The following VEPH1 variants were observed in gnomAD, a reference collection of about 807,000 sequenced individuals.
VEPH1 encodes the protein ventricular zone-expressed PH domain-containing protein homolog 1.
A neutral mutation model predicts 85.2 loss-of-function variants in VEPH1; 80 were observed. That is an observed-to-expected ratio of 0.94 (90% confidence interval 0.78 to 1.13). The LOEUF is 1.13. Among genes scored for constraint, VEPH1 ranks in the 50% most tolerant of loss-of-function variants. The pLI is 0.00. For missense variants in VEPH1, 955 were observed against 980.5 expected, an observed-to-expected ratio of 0.97 and a Z score of 0.35; for synonymous variants, 297 against 348.0, an observed-to-expected ratio of 0.85 and a Z score of 1.63.
At chr3:157,350,774 T>C (rs924620468) in intron 9 of VEPH1, among the ~76,000 whole-genome samples, 1 of 152,182 alleles carries the variant, frequency 6.6e-6, no homozygotes, top group Non-Finnish European at 1.5e-5. Context: ...GAAAAAATGT[T>C]CAACATCACT....
At chr3:157,444,943 C>G (rs1034428148) in intron 4 of VEPH1, among the ~76,000 whole-genome samples, 2 of 152,170 alleles carry the variant, frequency 1.3e-5, no homozygotes, top group Non-Finnish European at 2.9e-5. Context: ...TTCTCTCTTT[C>G]TCTAAATGAC....
chr3:157,294,338 T>G (rs552680305), intron 11 of VEPH1, among the ~76,000 whole-genome samples: 1 of 152,352 alleles, frequency 6.6e-6, no homozygotes, highest in African/African-American at 2.4e-5. Flanking sequence ...GTTTGACACA[T>G]GTCTTGGAAC....
At chr3:157,344,277 C>G (rs1723943417) in intron 9 of VEPH1, among the ~76,000 whole-genome samples, 1 of 152,124 alleles carries the variant, frequency 6.6e-6, no homozygotes, top group Non-Finnish European at 1.5e-5. Flanking sequence ...ATTTAGAAAA[C>G]CCCATCATCT....
chr3:157,460,154 TC>T, intron 4 of VEPH1, 26 bp downstream of exon 4: 1 of 1,614,172 alleles, frequency 6.2e-7, no homozygotes, highest in South Asian at 1.1e-5. Context: ...CCAAAACATG[TC>T]CCCAAGCTCA....
chr3:157,493,554 G>C (rs955068527), intron 2 of VEPH1, among the ~76,000 whole-genome samples: 22 of 152,216 alleles, frequency 1.4e-4, no homozygotes, highest in Admixed American at 1.4e-3. Context: ...GTTACAGATA[G>C]AGAAATGGAA....
intron 2 of VEPH1, among the ~76,000 whole-genome samples, chr3:157,486,411 G>T (rs1738651521): frequency 6.7e-6 from 1 of 150,050 alleles, no homozygotes; most frequent in Admixed American, 6.7e-5. Flanking sequence ...CAGGAGAATT[G>T]CTTGAACCCA....
At chr3:157,434,750 C>A (rs151130439) in intron 4 of VEPH1, among the ~76,000 whole-genome samples, 1 of 152,052 alleles carries the variant, frequency 6.6e-6, no homozygotes, top group Non-Finnish European at 1.5e-5. Flanking sequence ...CTGTGCTTTT[C>A]TTTCCTCCTT....
chr3:157,323,096 G>C (rs1721526445), intron 9 of VEPH1, among the ~76,000 whole-genome samples: 1 of 152,134 alleles, frequency 6.6e-6, no homozygotes, highest in Non-Finnish European at 1.5e-5. Context: ...GATTCCATGT[G>C]ATTTGTAAAA....
chr3:157,495,190 G>A (rs557710527), intron 2 of VEPH1, 22 bp downstream of exon 2: 1 of 1,610,876 alleles, frequency 6.2e-7, no homozygotes, highest in African/African-American at 1.3e-5. Context: ...CAGAGATGTA[G>A]TCTATAAACC....
chr3:157,301,051 G>A (rs1718736580), intron 11 of VEPH1, among the ~76,000 whole-genome samples: 2 of 152,222 alleles, frequency 1.3e-5, no homozygotes, highest in Non-Finnish European at 2.9e-5. Context: ...GGAGGAGTGT[G>A]AGTCTACTGA....
intron 11 of VEPH1, among the ~76,000 whole-genome samples, chr3:157,296,975 G>A (rs1161710282): frequency 6.6e-6 from 1 of 152,170 alleles, no homozygotes; most frequent in Admixed American, 6.5e-5. Context: ...ATAATAAAAA[G>A]TAGTGATAAT....
chr3:157,313,914 G>A (rs573570750), intron 10 of VEPH1, among the ~76,000 whole-genome samples, 159 bp from the exon 11 acceptor site: 1 of 152,220 alleles, frequency 6.6e-6, no homozygotes, highest in South Asian at 2.1e-4. Context: ...TCGAACATAT[G>A]GGGTTGGGCA....
At chr3:157,339,526 G>A (rs1455017616) in intron 9 of VEPH1, among the ~76,000 whole-genome samples, 5 of 152,070 alleles carry the variant, frequency 3.3e-5, no homozygotes, top group Non-Finnish European at 5.9e-5. Flanking sequence ...AGGTAGCTGA[G>A]GGCTCCACTG....
chr3:157,458,493 G>A (rs914706204), intron 4 of VEPH1, among the ~76,000 whole-genome samples: 1 of 152,060 alleles, frequency 6.6e-6, no homozygotes, highest in African/African-American at 2.4e-5. Flanking sequence ...TTGTTGAATT[G>A]CTTAAGTTCC....
At chr3:157,474,544 A>T (rs1209855399) in intron 2 of VEPH1, among the ~76,000 whole-genome samples, 1 of 152,210 alleles carries the variant, frequency 6.6e-6, no homozygotes, top group East Asian at 1.9e-4. Flanking sequence ...TCATTCAACG[A>T]TTCTTAATAG....
intron 9 of VEPH1, among the ~76,000 whole-genome samples, chr3:157,318,671 AAAG>A (rs1171392085): frequency 1.3e-5 from 2 of 149,582 alleles, no homozygotes; most frequent in Non-Finnish European, 3.0e-5. Flanking sequence ...AAAAGGAAAG[AAAG>A]AAAGAAAGAA....
At chr3:157,280,983 C>T (rs768006708) in intron 12 of VEPH1, among the ~76,000 whole-genome samples, 3 of 152,094 alleles carry the variant, frequency 2.0e-5, no homozygotes, top group Non-Finnish European at 4.4e-5. Context: ...CTGATGGCCA[C>T]ATGCCAAGTG....
chr3:157,275,285 T>C (rs955818907), intron 12 of VEPH1, among the ~76,000 whole-genome samples: 8 of 152,102 alleles, frequency 5.3e-5, no homozygotes, highest in African/African-American at 1.7e-4. Context: ...AGAAAAAATA[T>C]AAACCCCAGG....
intron 11 of VEPH1, among the ~76,000 whole-genome samples, chr3:157,288,007 T>C (rs1453676576): frequency 3.3e-5 from 5 of 152,216 alleles, no homozygotes; most frequent in African/African-American, 1.2e-4. Context: ...TGCCAATGAG[T>C]TCCTCTTTAA....
Sources: gnomAD v4.1 joint callset for allele counts (sites outside exome capture counted in the v4.1 genomes callset) on GRCh38, gnomAD v4.1.1 for gene constraint, MANE v1.5 for transcripts, NCBI Gene and HGNC (gene_info 2026-07-23, HGNC 2026-07-21) for gene names.